The following PSD3 variants were observed in gnomAD, a reference collection of about 807,000 sequenced individuals.
The protein encoded by PSD3 is pleckstrin and Sec7 domain containing 3, also known as PH and SEC7 domain-containing protein 3.
PSD3 carries 49 observed loss-of-function variants against 105.5 expected under a neutral mutation model. The observed-to-expected ratio is 0.46, with a 90% CI of 0.37 to 0.59. The LOEUF is 0.59. PSD3 is among the 20% of genes least tolerant of loss of function. The probability of loss-of-function intolerance (pLI) is 0.00; values close to 1 mark genes in which losing one functional copy is unlikely to be tolerated. For missense variants in PSD3, 1,561 were observed against 1,263.8 expected (o/e 1.24, Z -3.57); for synonymous variants, 557 against 457.8 (o/e 1.22, Z -2.77).
At chr8:18,933,160 G>A (rs1821855876) in intron 2 of PSD3, among the ~76,000 whole-genome samples, 1 of 152,158 alleles carries the variant, frequency 6.6e-6, no homozygotes, top group Non-Finnish European at 1.5e-5. Flanking sequence ...CACACCAGGA[G>A]CAACTACTAC....
chr8:18,830,619 G>C (rs13272436), intron 4 of PSD3, among the ~76,000 whole-genome samples: 43,954 of 152,058 alleles, frequency 0.29, 6,728 homozygotes, highest in African/African-American at 0.33. Context: ...ACTTTCATTT[G>C]TTGGCTTTTG....
intron 4 of PSD3, among the ~76,000 whole-genome samples, chr8:18,813,815 G>C (rs11989462): frequency 0.19 from 29,190 of 152,056 alleles, 3,459 homozygotes; most frequent in African/African-American, 0.32. Context: ...ACAAGCTGTT[G>C]TGAAGATGAG....
intron 4 of PSD3, among the ~76,000 whole-genome samples, chr8:18,815,613 T>C (rs1356806373): frequency 6.6e-6 from 1 of 152,158 alleles, no homozygotes; most frequent in Non-Finnish European, 1.5e-5. Context: ...GTCCAGCCCC[T>C]TTCTTCAAAT....
intron 1 of PSD3, among the ~76,000 whole-genome samples, chr8:19,081,215 C>A (rs1262887883): frequency 6.7e-6 from 1 of 149,734 alleles, no homozygotes; most frequent in Admixed American, 6.6e-5. Flanking sequence ...ACTCCACGTC[C>A]CCAACACCTA....
At chr8:18,808,738 T>A in intron 4 of PSD3, 1 of 1,614,028 alleles carries the variant, frequency 6.2e-7, no homozygotes, top group Non-Finnish European at 8.5e-7. Flanking sequence ...GACAATATGA[T>A]GGCAATATAA....
At chr8:19,038,461 A>G (rs1828017025) in intron 1 of PSD3, among the ~76,000 whole-genome samples, 1 of 151,994 alleles carries the variant, frequency 6.6e-6, no homozygotes, top group African/African-American at 2.4e-5. Context: ...TTATTTATCT[A>G]TTTGTCTATC....
exon 1 of PSD3, chr8:19,084,428 G>C (rs1829743613): frequency 2.2e-6 from 1 of 456,216 alleles, no homozygotes; most frequent in Non-Finnish European, 4.4e-6. Context: ...AGCATCCCAA[G>C]GCATCCCTGC....
At chr8:18,572,484 C>G in intron 14 of PSD3, 44 bp downstream of exon 14, 1 of 1,589,532 alleles carries the variant, frequency 6.3e-7, no homozygotes, top group African/African-American at 1.3e-5. Flanking sequence ...CATTATTTTA[C>G]AAAGTACTTT....
chr8:19,030,165 G>C (rs1827713216), intron 1 of PSD3, among the ~76,000 whole-genome samples: 1 of 152,150 alleles, frequency 6.6e-6, no homozygotes, highest in Non-Finnish European at 1.5e-5. Context: ...TTTGCTGAAA[G>C]TTATTTATCA....
At chr8:18,870,018 G>C (rs1200441577) in intron 3 of PSD3, among the ~76,000 whole-genome samples, 2 of 152,152 alleles carry the variant, frequency 1.3e-5, no homozygotes, top group African/African-American at 2.4e-5. Context: ...GCATATTCCA[G>C]TGGGAATATA....
At chr8:19,003,041 C>G (rs1308699668) in intron 1 of PSD3, among the ~76,000 whole-genome samples, 2 of 152,062 alleles carry the variant, frequency 1.3e-5, no homozygotes, top group African/African-American at 4.8e-5. Flanking sequence ...TAAGCCCCTT[C>G]TAACCACTAA....
At chr8:18,953,676 G>A (rs908539664) in intron 1 of PSD3, among the ~76,000 whole-genome samples, 15 of 152,072 alleles carry the variant, frequency 9.9e-5, no homozygotes, top group African/African-American at 3.1e-4. Flanking sequence ...TTGAACCCAC[G>A]AGGCAGAGGC....
At chr8:18,673,646 T>C (rs1164483534) in intron 9 of PSD3, among the ~76,000 whole-genome samples, 4 of 152,192 alleles carry the variant, frequency 2.6e-5, no homozygotes, top group Non-Finnish European at 5.9e-5. Context: ...ACACCATGTC[T>C]TCTCTTTCAC....
chr8:18,600,920 A>AC (rs1259395669), intron 11 of PSD3, among the ~76,000 whole-genome samples: 5 of 151,800 alleles, frequency 3.3e-5, no homozygotes, highest in African/African-American at 9.7e-5. Context: ...TTTCTCCCAT[A>AC]CCCCCCTCAA....
At chr8:18,553,669 T>C (rs2130115559) in intron 15 of PSD3, among the ~76,000 whole-genome samples, 1 of 152,308 alleles carries the variant, frequency 6.6e-6, no homozygotes, top group South Asian at 2.1e-4. Flanking sequence ...TTCCGGTGGC[T>C]GCAACAATAG....
At chr8:18,885,091 C>G (rs920021591) in intron 2 of PSD3, among the ~76,000 whole-genome samples, 2 of 152,144 alleles carry the variant, frequency 1.3e-5, no homozygotes, top group Non-Finnish European at 2.9e-5. Context: ...CCACTCTTGT[C>G]TGCCTCTCTT....
intron 1 of PSD3, among the ~76,000 whole-genome samples, chr8:18,984,393 T>G (rs1406592230): frequency 2.0e-5 from 3 of 151,922 alleles, no homozygotes; most frequent in African/African-American, 7.3e-5. Context: ...TGGTACAAAT[T>G]TATAGCCCAT....
intron 12 of PSD3, among the ~76,000 whole-genome samples, chr8:18,592,742 A>C (rs977320845): frequency 1.3e-5 from 2 of 152,160 alleles, no homozygotes; most frequent in Non-Finnish European, 2.9e-5. Context: ...AGCATATTAC[A>C]TCCAGCAAAA....
chr8:18,562,139 G>A (rs6991942), intron 14 of PSD3, among the ~76,000 whole-genome samples: 4,247 of 152,210 alleles, frequency 0.028, 119 homozygotes, highest in African/African-American at 0.073. Context: ...CTCACCGAGC[G>A]CCCATACAGC....
Sources: allele counts gnomAD v4.1 joint callset (sites outside exome capture counted in the v4.1 genomes callset), GRCh38; gene constraint gnomAD v4.1.1; transcripts MANE v1.5; gene names NCBI Gene and HGNC (gene_info 2026-07-23, HGNC 2026-07-21).